Variants in DCHS2 observed in about 807,000 individuals in gnomAD.
DCHS2 encodes protocadherin-23.
DCHS2 carries 142 observed loss-of-function variants against 182.4 expected under a neutral mutation model. The observed-to-expected ratio is 0.78, with a 90% CI of 0.68 to 0.89. DCHS2 has a LOEUF of 0.89. DCHS2 is among the 40% of genes least tolerant of loss of function. The pLI is 0.00. For missense variants in DCHS2, 4,319 were observed against 4,198.6 expected, an observed-to-expected ratio of 1.03 and a Z score of -0.79; for synonymous variants, 1,740 against 1,663.3, an observed-to-expected ratio of 1.05 and a Z score of -1.12.
intron 3 of DCHS2, among the ~76,000 whole-genome samples, chr4:154,353,455 C>T (rs1729713163): frequency 6.6e-6 from 1 of 152,030 alleles, no homozygotes; most frequent in African/African-American, 2.4e-5. Context: ...TAAATCCAAC[C>T]ATATGTTGTG....
intron 4 of DCHS2, chr4:154,333,766 C>G: frequency 4.7e-6 from 2 of 426,514 alleles, no homozygotes; most frequent in Non-Finnish European, 4.2e-6. Flanking sequence ...TAGGAGCAAT[C>G]GACTGTAACA....
rs1731287021 is a variant in DCHS2, at chr4:154,233,495, A to G, written c.*1041T>C. ...TTTATAGTAGAAACATTTCCATAAA[A>G]AACTTCATTTAAAAATATATTGCTA... On this transcript the variant is annotated 3_prime_UTR_variant, in exon 20 of 20. Coordinates refer to ENST00000357232, the MANE Select transcript of DCHS2 (RefSeq NM_001358235.2). 1 of 152,204 alleles carries G rather than the reference A, an allele frequency of 6.6e-6. No homozygotes were observed. The highest frequency in any genetic ancestry group is 1.5e-5 in the Non-Finnish European group (1 of 68,036). 9.4% of individuals were successfully genotyped at this position (152,204 alleles called of 1,614,324 possible). A position where few individuals can be genotyped will look rare whatever the true frequency, so the allele number is the denominator to read the frequency against.
intron 1 of DCHS2, among the ~76,000 whole-genome samples, chr4:154,401,927 G>C (rs983670478): frequency 3.5e-4 from 54 of 152,214 alleles, no homozygotes; most frequent in African/African-American, 1.3e-3. Context: ...CCAGGAGGTG[G>C]AGGTTGCAGT....
intron 7 of DCHS2, among the ~76,000 whole-genome samples, chr4:154,327,224 G>C (rs1014579861): frequency 1.3e-5 from 2 of 152,258 alleles, no homozygotes; most frequent in Admixed American, 6.5e-5. Flanking sequence ...GGCTATGCAA[G>C]TAAAACACCG....
rs79986094 is a variant in DCHS2 at position 154,301,213 on chromosome 4, T to C, written c.5606-2505A>G. 2.6e-3 allele frequency among the ~76,000 whole-genome samples: 389 copies of C among 152,348 alleles called. 2 individuals are homozygous for C. Among genetic ancestry groups the C allele is most frequent in the African/African-American group, 9.0e-3 (373 of 41,586 alleles). ...ATGTCAAAACAGTGACTGATTTTAATGCCTGGGAAGATATCCTTATGCAGT... is the reference window on the plus strand; with the variant it reads ...ATGTCAAAACAGTGACTGATTTTAACGCCTGGGAAGATATCCTTATGCAGT... On this transcript the variant is annotated intron_variant, in intron 12 of 19. Transcript: ENST00000357232.
chr4:154,309,880 A>G (rs979372926), intron 10 of DCHS2, among the ~76,000 whole-genome samples: 2 of 152,250 alleles, frequency 1.3e-5, no homozygotes, highest in Non-Finnish European at 2.9e-5. Flanking sequence ...AATAGTAAAA[A>G]GGACTATGAT....
intron 13 of DCHS2, among the ~76,000 whole-genome samples, chr4:154,288,821 T>C (rs893613270): frequency 3.9e-5 from 6 of 152,148 alleles, no homozygotes; most frequent in Non-Finnish European, 8.8e-5. Context: ...TGCTCCTGAA[T>C]GACCAGTGAT....
intron 1 of DCHS2, among the ~76,000 whole-genome samples, chr4:154,474,432 C>T (rs7694846): frequency 0.18 from 27,507 of 152,100 alleles, 3,082 homozygotes; most frequent in Non-Finnish European, 0.26. Flanking sequence ...AAGGCTATGC[C>T]CCTTCCTCAG....
In DCHS2 at chr4:154,377,329, T is replaced by G; in HGVS notation, c.2168A>C (p.Gln723Pro). The change falls in exon 2 of 20, where the codon CAA becomes CCA. Residue 723 changes from glutamine (Q) to proline (P), a missense_variant. Physicochemically the swap from Gln to Pro is moderately conservative, Grantham distance 76 (BLOSUM62 -1). Coordinates refer to ENST00000357232, the MANE Select transcript of DCHS2 (RefSeq NM_001358235.2). ...QAFRIDPHDG[Q>P]ICVSQDIDRE... ...GTCGATATCTTGAGAAACACAGATT[T>G]GCCCATCATGAGGGTCGATCCGGAA... 1 of 1,613,732 alleles carries G rather than the reference T, an allele frequency of 6.2e-7. No individual in the cohort carries two copies. Among genetic ancestry groups the G allele is most frequent in the Non-Finnish European group, 8.5e-7 (1 of 1,179,742 alleles).
At chr4:154,474,739 C>G (rs1735617124) in intron 1 of DCHS2, among the ~76,000 whole-genome samples, 2 of 152,108 alleles carry the variant, frequency 1.3e-5, no homozygotes, top group Admixed American at 6.6e-5. Context: ...CCATGCTACT[C>G]CCAATTTTTC....
intron 13 of DCHS2, among the ~76,000 whole-genome samples, chr4:154,276,125 A>G (rs189807549): frequency 5.4e-4 from 82 of 152,274 alleles, no homozygotes; most frequent in Admixed American, 1.6e-3. Context: ...ATAAAAGTCT[A>G]TCTCTGGGCA....
intron 1 of DCHS2, among the ~76,000 whole-genome samples, chr4:154,447,110 G>A (rs1237004001): frequency 1.3e-5 from 2 of 151,914 alleles, no homozygotes; most frequent in African/African-American, 2.4e-5. Context: ...TGAACAACAC[G>A]GCGAAACCCC....
chr4:154,298,046 T>C lies in DCHS2; in HGVS notation c.6268A>G (p.Thr2090Ala), dbSNP rs1276809643. The C allele has an allele frequency of 1.2e-6, 2 of 1,614,134 alleles. No homozygotes were observed. The highest frequency in any genetic ancestry group is 4.5e-5 in the East Asian group (2 of 44,852). Residue 2090 changes from threonine to alanine, a missense_variant, in exon 13 of 20, where the codon ACA becomes GCA. Thr to Ala is a moderately conservative substitution (Grantham distance 58). Coordinates refer to ENST00000357232, the MANE Select transcript of DCHS2 (RefSeq NM_001358235.2). ...TQSMFSIDKY[T>A]GEIQFQQNPS... The stretch of plus-strand genomic sequence containing the variant: ...TTTTGCTGAAATTGAATTTCTCCTG[T>C]GTATTTATCAATAGAAAACATTGAC...
chr4:154,480,898 G>C (rs1237626533), intron 1 of DCHS2, among the ~76,000 whole-genome samples: 1 of 152,120 alleles, frequency 6.6e-6, no homozygotes, highest in Non-Finnish European at 1.5e-5. Context: ...AAAGTGCTGA[G>C]ATTACAGACA....
chr4:154,420,229 G>A lies in DCHS2; in HGVS notation c.2053-42785C>T, dbSNP rs565189354. Among the ~76,000 whole-genome samples, 86 of 143,186 alleles carry A rather than the reference G, an allele frequency of 6.0e-4. 1 individual carries two copies. Among genetic ancestry groups the A allele is most frequent in the Non-Finnish European group, 8.7e-4 (56 of 64,060 alleles). 93.9% of individuals were successfully genotyped at this position (143,186 alleles called of 152,430 possible). ...CAGAGTTCTCCAGAGAAACAGAACC[G>A]ATGGGAGACAGACAGACAGATAGAT... is the stretch of plus-strand genomic sequence containing the variant. On this transcript the variant is annotated intron_variant, in intron 1 of 19. Coordinates refer to ENST00000357232, the MANE Select transcript of DCHS2 (RefSeq NM_001358235.2).
intron 1 of DCHS2, among the ~76,000 whole-genome samples, chr4:154,385,165 C>T (rs932303541): frequency 1.4e-5 from 2 of 147,828 alleles, no homozygotes; most frequent in African/African-American, 5.0e-5. Flanking sequence ...TGAGTGAGAA[C>T]ATGCGGCGTT....
In DCHS2 at chr4:154,333,568, T is replaced by A; in HGVS notation, c.2714-74A>T. The A allele has an allele frequency of 3.6e-6, 5 of 1,392,048 alleles. 1 individual carries two copies. In the South Asian group the frequency reaches 4.3e-5, roughly 12 times the overall value. 86.2% of individuals were successfully genotyped at this position (1,392,048 alleles called of 1,614,324 possible). On this transcript the variant is annotated intron_variant, in intron 4 of 19. Coordinates refer to ENST00000357232, the MANE Select transcript of DCHS2 (RefSeq NM_001358235.2). ...ACTGGAAACTCAGAAATTGAAATGT[T>A]AATACAGTCATCCACTGCCTAATGA...
At chr4:154,457,369 AC>A (rs1734811301) in intron 1 of DCHS2, among the ~76,000 whole-genome samples, 1 of 152,148 alleles carries the variant, frequency 6.6e-6, no homozygotes, top group African/African-American at 2.4e-5. Flanking sequence ...CATGTCTATT[AC>A]CTTCTTTTAT....
chr4:154,377,493 T>TG, intron 1 of DCHS2, 49 bp from the exon 2 acceptor site: 1 of 1,466,482 alleles, frequency 6.8e-7, no homozygotes, highest in Non-Finnish European at 9.4e-7. Context: ...CTAGCATTAC[T>TG]TTTCAGTCAG....
Sources: gnomAD v4.1 joint callset for allele counts (sites outside exome capture counted in the v4.1 genomes callset) on GRCh38, gnomAD v4.1.1 for gene constraint, MANE v1.5 for transcripts, NCBI Gene and HGNC (gene_info 2026-07-23, HGNC 2026-07-21) for gene names.